Variants in NCOR2 observed in about 807,000 individuals in gnomAD.
NCOR2 encodes the protein CTG repeat protein 26.
In NCOR2, 81 loss-of-function variants were observed where a neutral mutation model predicts 262.9. That is an observed-to-expected ratio of 0.31 (90% confidence interval 0.26 to 0.37). The LOEUF is 0.37. NCOR2 is among the 10% of genes least tolerant of loss of function. The pLI, the probability that NCOR2 is intolerant of heterozygous loss-of-function variation, is 1.00. For synonymous variants in NCOR2, 1,659 were observed against 1,559.3 expected, an observed-to-expected ratio of 1.06 and a Z score of -1.51; for missense variants, 3,385 against 3,621.4, an observed-to-expected ratio of 0.93 and a Z score of 1.68.
At chr12:124,379,911 G>A (rs1046114392) in intron 17 of NCOR2, among the ~76,000 whole-genome samples, 10 of 152,222 alleles carry the variant, frequency 6.6e-5, no homozygotes, top group Admixed American at 2.6e-4. Context: ...AGAATGTCAC[G>A]AACTGCCAGC....
intron 1 of NCOR2, among the ~76,000 whole-genome samples, chr12:124,489,848 T>A (rs953955865): frequency 1.3e-5 from 2 of 152,046 alleles, no homozygotes. Flanking sequence ...GGGGGGATGT[T>A]TGAGCATGGA....
At chr12:124,339,542 C>T (rs573684117) in intron 37 of NCOR2, among the ~76,000 whole-genome samples, 1 of 150,028 alleles carries the variant, frequency 6.7e-6, no homozygotes, top group South Asian at 2.1e-4. Context: ...ACCTACCTAA[C>T]CCTATCACCC....
chr12:124,444,289 A>G (rs1593570326), intron 7 of NCOR2, among the ~76,000 whole-genome samples: 1 of 152,136 alleles, frequency 6.6e-6, no homozygotes, highest in Admixed American at 6.5e-5. Flanking sequence ...TGGTAGAGGC[A>G]CTCATGGGGT....
At chr12:124,350,979 A>C (rs761326706) in intron 27 of NCOR2, among the ~76,000 whole-genome samples, 5 of 152,156 alleles carry the variant, frequency 3.3e-5, no homozygotes, top group Admixed American at 1.3e-4. Flanking sequence ...CTCTCTATGG[A>C]TTTGCTCATT....
chr12:124,518,911 C>CCAT (rs1356295563), intron 1 of NCOR2, among the ~76,000 whole-genome samples: 3 of 152,212 alleles, frequency 2.0e-5, no homozygotes, highest in African/African-American at 4.8e-5. Context: ...AGGCCTCGGC[C>CCAT]CATCCCTCCC....
At chr12:124,339,219 ACCCAC>A (rs1303535133) in intron 37 of NCOR2, among the ~76,000 whole-genome samples, 4 of 63,342 alleles carry the variant, frequency 6.3e-5, no homozygotes, top group African/African-American at 1.4e-4. Flanking sequence ...TCTACCTACC[ACCCAC>A]CCACCCACCC....
chr12:124,328,247 G>A (rs779528924), intron 44 of NCOR2, among the ~76,000 whole-genome samples: 22 of 152,202 alleles, frequency 1.4e-4, no homozygotes, highest in Non-Finnish European at 2.6e-4. Context: ...AGCTGGGCCT[G>A]CTCTCCTCCC....
intron 13 of NCOR2, among the ~76,000 whole-genome samples, chr12:124,412,580 T>A (rs1356995243): frequency 6.6e-6 from 1 of 152,220 alleles, no homozygotes; most frequent in East Asian, 1.9e-4. Flanking sequence ...GGGAGGCCGT[T>A]GCCCACCCCA....
rs1484848532 is a variant in NCOR2, at chr12:124,347,806, G to A, written c.4072+19C>T. 1 of 1,555,164 alleles carries A rather than the reference G, an allele frequency of 6.4e-7. No homozygotes were observed. The highest frequency in any genetic ancestry group is 1.4e-5 in the African/African-American group (1 of 73,482). On this transcript the variant is annotated intron_variant, in intron 30 of 46. Transcript: ENST00000405201. ...TACACCCGTTGGGGGCAACGAGGGAGCAGGGAACAGGGCAGTACCTTGTGT... is the reference window on the plus strand; with the variant it reads ...TACACCCGTTGGGGGCAACGAGGGAACAGGGAACAGGGCAGTACCTTGTGT...
intron 28 of NCOR2, among the ~76,000 whole-genome samples, chr12:124,350,190 T>G (rs2037327192): frequency 6.6e-6 from 1 of 152,088 alleles, no homozygotes; most frequent in African/African-American, 2.4e-5. Context: ...GGATGGGGGC[T>G]CCGCAGCAAG....
At position 124,457,578 on chromosome 12, in the gene NCOR2, C is replaced by T. The variant is rs2045947040; in HGVS notation, c.706-416G>A. 6.6e-6 allele frequency among the ~76,000 whole-genome samples: 1 copy of T among 152,128 alleles called. No homozygotes were observed. The highest frequency in any genetic ancestry group is 6.5e-5 in the Admixed American group (1 of 15,276). ...TACAATTACCTCAGAGCTAGTGCAG[C>T]CAGCGAGGGAAGGAGGAGGAGGAGG... is the stretch of plus-strand genomic sequence containing the variant. On this transcript the variant is annotated intron_variant, in intron 5 of 46. Transcript: ENST00000405201. The surrounding 1 kb of genome is among the most constrained non-coding windows in gnomAD (Gnocchi z 4.0).
At chr12:124,500,438 A>T (rs2136942209) in intron 1 of NCOR2, among the ~76,000 whole-genome samples, 1 of 152,260 alleles carries the variant, frequency 6.6e-6, no homozygotes, top group South Asian at 2.1e-4. Context: ...GTTCCCGGCC[A>T]CTGCGGGCTT....
At position 124,402,200 on chromosome 12, in the gene NCOR2, G is replaced by C. The variant is rs78075914; in HGVS notation, c.1640+204C>G. On this transcript the variant is annotated intron_variant, in intron 14 of 46. Coordinates refer to ENST00000405201, the Ensembl canonical transcript of NCOR2. ...AGAAAGAAAGCGAGGGCGGAGGAGA[G>C]GGGGGAGCCAGGGAGGAGGAGTAGG... Among the ~76,000 whole-genome samples, 216 of 152,266 alleles carry C rather than the reference G, an allele frequency of 1.4e-3. 5 individuals are homozygous for C. In the East Asian group the frequency reaches 0.036, roughly 25 times the overall value.
intron 20 of NCOR2, among the ~76,000 whole-genome samples, chr12:124,369,790 T>G (rs952236902): frequency 6.6e-6 from 1 of 151,786 alleles, no homozygotes; most frequent in Non-Finnish European, 1.5e-5. Flanking sequence ...GGGGTGGACG[T>G]ACGCCAGGCC....
intron 44 of NCOR2, chr12:124,328,387 GC>G (rs2034878391): frequency 6.5e-6 from 1 of 152,912 alleles, no homozygotes; most frequent in African/African-American, 2.4e-5. Flanking sequence ...CACGGGACCA[GC>G]CCTGGTCCGG....
chr12:124,430,905 C>T, intron 8 of NCOR2, 118 bp from the exon 11 acceptor site: 1 of 1,173,336 alleles, frequency 8.5e-7, no homozygotes, highest in Non-Finnish European at 1.2e-6. Flanking sequence ...CACAAAGTCA[C>T]ACAGGCACAC....
intron 13 of NCOR2, among the ~76,000 whole-genome samples, chr12:124,408,421 T>C (rs1044298918): frequency 1.3e-5 from 2 of 152,044 alleles, no homozygotes; most frequent in African/African-American, 4.8e-5. Context: ...CTCATGGCCA[T>C]TATTAAAAAT....
chr12:124,431,586 CAG>C (rs2043939455), intron 8 of NCOR2, among the ~76,000 whole-genome samples: 1 of 151,402 alleles, frequency 6.6e-6, no homozygotes, highest in Non-Finnish European at 1.5e-5. Flanking sequence ...CACACACACA[CAG>C]ATATATGCAC....
At chr12:124,380,111 C>T (rs1046657835) in intron 17 of NCOR2, among the ~76,000 whole-genome samples, 2 of 152,236 alleles carry the variant, frequency 1.3e-5, no homozygotes, top group African/African-American at 2.4e-5. Flanking sequence ...CTGGTGCACC[C>T]GGATTCCAAG....
Sources: allele counts gnomAD v4.1 joint callset (sites outside exome capture counted in the v4.1 genomes callset), GRCh38; gene constraint gnomAD v4.1.1; non-coding constraint Gnocchi (gnomAD v3.1); transcripts MANE v1.5; gene names NCBI Gene and HGNC (gene_info 2026-07-23, HGNC 2026-07-21).